Variants in AZIN1 observed in about 807,000 individuals in gnomAD.
AZIN1 encodes the protein ornithine decarboxylase antizyme inhibitor.
A neutral mutation model predicts 47.4 loss-of-function variants in AZIN1; 12 were observed. The ratio of observed to expected loss-of-function variants is 0.25; its 90% confidence interval spans 0.16 to 0.41. The LOEUF (loss-of-function observed/expected upper bound fraction) is 0.41, where lower values mean the gene tolerates loss of function less well. Ranked by LOEUF, AZIN1 falls within the 10% of genes least tolerant of loss-of-function variation. AZIN1 has a pLI of 1.00. For missense variants in AZIN1, 410 were observed against 532.4 expected (o/e 0.77, Z 2.26); for synonymous variants, 155 against 176.3 (o/e 0.88, Z 0.96).
At chr8:102,849,157 G>A (rs1056161877) in intron 2 of AZIN1, among the ~76,000 whole-genome samples, 1 of 152,086 alleles carries the variant, frequency 6.6e-6, no homozygotes, top group African/African-American at 2.4e-5. Flanking sequence ...GCTGGGTGTG[G>A]TGGTGCACAC....
At chr8:102,844,626 GGTT>G (rs1337658966) in intron 2 of AZIN1, among the ~76,000 whole-genome samples, 1 of 120,474 alleles carries the variant, frequency 8.3e-6, no homozygotes, top group Non-Finnish European at 1.8e-5. Flanking sequence ...TTCTTCAACA[GGTT>G]GTTGTAAAAA....
chr8:102,834,184 T>A lies in AZIN1; in HGVS notation c.741+5A>T, dbSNP rs1487535815. On this transcript the variant is annotated splice_donor_5th_base_variant and intron_variant, in intron 8 of 11. Transcript: ENST00000337198. ...TCTGTTAATGTCATCTACTGAGAAG[T>A]TTACCTCTTCCAATTGAAATTCAGT... 2 of 1,610,438 alleles carry A rather than the reference T, an allele frequency of 1.2e-6. No homozygotes were observed. The highest frequency in any genetic ancestry group is 2.7e-5 in the African/African-American group (2 of 74,848).
In AZIN1 at chr8:102,839,596, A is replaced by G. The variant is rs1812046125; in HGVS notation, c.276+54T>C. On this transcript the variant is annotated intron_variant, in intron 4 of 11. Coordinates refer to ENST00000337198, the MANE Select transcript of AZIN1 (RefSeq NM_148174.4). ...TTTGTTCTCTAACCGCTGTAACTACATTAAGTTAAATTATTCAATGTTTCA... is the reference window on the plus strand; with the variant it reads ...TTTGTTCTCTAACCGCTGTAACTACGTTAAGTTAAATTATTCAATGTTTCA... The G allele has an allele frequency of 2.3e-6, 3 of 1,320,970 alleles. No homozygotes were observed. In the East Asian group the frequency reaches 7.8e-5, roughly 34 times the overall value. 81.8% of individuals were successfully genotyped at this position (1,320,970 alleles called of 1,614,324 possible). A position where few individuals can be genotyped will look rare whatever the true frequency, so the allele number is the denominator to read the frequency against.
intron 11 of AZIN1, 42 bp downstream of exon 11, chr8:102,829,230 C>T (rs116415719): frequency 6.6e-7 from 1 of 1,514,424 alleles, no homozygotes; most frequent in Non-Finnish European, 9.1e-7. Context: ...TCTAAAAGGA[C>T]AGTTCAAATA....
chr8:102,856,135 G>C (rs1232128691), intron 2 of AZIN1: 1 of 146,904 alleles, frequency 6.8e-6, no homozygotes, highest in Admixed American at 7.2e-5. Context: ...TCACATCAAG[G>C]AAGCTATAAA....
At chr8:102,841,655 G>A (rs1812187506) in intron 3 of AZIN1, among the ~76,000 whole-genome samples, 1 of 152,040 alleles carries the variant, frequency 6.6e-6, no homozygotes, top group Non-Finnish European at 1.5e-5. Flanking sequence ...CACGTCTGCA[G>A]ACTTAAGGTC....
At chr8:102,846,134 A>C (rs1812554402) in intron 2 of AZIN1, among the ~76,000 whole-genome samples, 1 of 152,222 alleles carries the variant, frequency 6.6e-6, no homozygotes, top group African/African-American at 2.4e-5. Context: ...AACTGCTGCC[A>C]AATACAGAAG....
rs535054515 is a variant in AZIN1, at chr8:102,852,881, C to T, written c.-96+5132G>A. 4.6e-5 allele frequency among the ~76,000 whole-genome samples: 7 copies of T among 152,330 alleles called. 1 individual carries two copies. In the South Asian group the frequency reaches 1.5e-3, roughly 32 times the overall value. On this transcript the variant is annotated intron_variant, in intron 2 of 11. Coordinates refer to ENST00000337198, the MANE Select transcript of AZIN1 (RefSeq NM_148174.4). The stretch of plus-strand genomic sequence containing the variant: ...AATATCTGTGCTCCCTGGGGCCTCA[C>T]CAGTATGTAAGCACTTCAACTTGGA...
chr8:102,840,179 G>A (rs2436845), intron 3 of AZIN1, among the ~76,000 whole-genome samples: 56,880 of 151,786 alleles, frequency 0.37, 11,559 homozygotes, highest in South Asian at 0.46. Flanking sequence ...TTTCTCCCAT[G>A]CTTCCCCCAC....
intron 9 of AZIN1, 129 bp downstream of exon 9, chr8:102,832,927 A>G (rs1466115495): frequency 1.3e-6 from 1 of 792,148 alleles, no homozygotes; most frequent in Non-Finnish European, 2.0e-6. Flanking sequence ...GGCGTGAGCC[A>G]CCACGCCCGG....
chr8:102,834,870 A>G (rs780158511), intron 6 of AZIN1, 123 bp from the exon 7 acceptor site: 1 of 646,244 alleles, frequency 1.5e-6, no homozygotes, highest in African/African-American at 1.8e-5. Context: ...TTTACCAAAT[A>G]TTTAAAGTAT....
intron 9 of AZIN1, among the ~76,000 whole-genome samples, chr8:102,832,003 CATG>C (rs1811494120): frequency 6.6e-6 from 1 of 152,148 alleles, no homozygotes; most frequent in Admixed American, 6.6e-5. Context: ...TGCCTCCTAA[CATG>C]ATGAAGTGAG....
intron 2 of AZIN1, chr8:102,854,392 G>A (rs1813133722): frequency 6.6e-6 from 1 of 151,520 alleles, no homozygotes; most frequent in South Asian, 2.1e-4. Context: ...CTGAGGTCTG[G>A]AGTTCAAGAC....
At chr8:102,848,368 T>G (rs1183447663) in intron 2 of AZIN1, among the ~76,000 whole-genome samples, 2 of 146,952 alleles carry the variant, frequency 1.4e-5, no homozygotes, top group African/African-American at 5.0e-5. Context: ...AAAGAATCTG[T>G]AAAACACAAA....
chr8:102,842,293 G>A (rs545548362), intron 3 of AZIN1, among the ~76,000 whole-genome samples: 1 of 152,306 alleles, frequency 6.6e-6, no homozygotes, highest in South Asian at 2.1e-4. Context: ...ACTGAGACCA[G>A]GCACAGTGGC....
chr8:102,843,454 C>T, intron 3 of AZIN1, 97 bp downstream of exon 3: 1 of 1,047,576 alleles, frequency 9.5e-7, no homozygotes, highest in South Asian at 1.5e-5. Flanking sequence ...GCATATGAAC[C>T]AAGTACTTCT....
intron 2 of AZIN1, among the ~76,000 whole-genome samples, chr8:102,845,692 A>G (rs1454730116): frequency 6.6e-6 from 1 of 152,142 alleles, no homozygotes; most frequent in African/African-American, 2.4e-5. Flanking sequence ...TAAGGTAGAA[A>G]CTTCCTGTTA....
At position 102,832,343 on chromosome 8, in the gene AZIN1, A is replaced by C. The variant is rs557075026; in HGVS notation, c.904+713T>G. Among the ~76,000 whole-genome samples, 9 of 152,248 alleles carry C rather than the reference A, an allele frequency of 5.9e-5. No homozygotes were observed. In the South Asian group the frequency reaches 1.9e-3, roughly 32 times the overall value. On this transcript the variant is annotated intron_variant, in intron 9 of 11. Transcript: ENST00000337198. ...CAAAAAAAAAAGTCTTCTTAATGTA[A>C]AACAGTATTTCCTACAATATTAGCC...
Position 102,826,791 on chromosome 8 carries a change from G to C in AZIN1, c.*1776C>G, listed in dbSNP as rs1161325912. ...ACCACAACAATGCACAACATGTAAAGAAGGTAGGAAACAGTTCCCCCTCCT... is the reference window on the plus strand; with the variant it reads ...ACCACAACAATGCACAACATGTAAACAAGGTAGGAAACAGTTCCCCCTCCT... On this transcript the variant is annotated 3_prime_UTR_variant, in exon 12 of 12. Coordinates refer to ENST00000337198, the MANE Select transcript of AZIN1 (RefSeq NM_148174.4). The C allele has an allele frequency of 1.3e-5, 2 of 152,550 alleles. No homozygotes were observed. Among genetic ancestry groups the C allele is most frequent in the Non-Finnish European group, 2.9e-5 (2 of 68,012 alleles). The allele number at this position is 152,550 out of a possible 1,614,324, so 9.4% of individuals were successfully genotyped here.
Sources: allele counts gnomAD v4.1 joint callset (sites outside exome capture counted in the v4.1 genomes callset), GRCh38; gene constraint gnomAD v4.1.1; transcripts MANE v1.5; gene names NCBI Gene and HGNC (gene_info 2026-07-23, HGNC 2026-07-21).